The following UTP4 variants were observed in gnomAD, a reference collection of about 807,000 sequenced individuals.
UTP4 encodes the protein U3 small nucleolar RNA-associated protein 4 homolog.
In UTP4, 45 loss-of-function variants were observed where a neutral mutation model predicts 82.4. The observed-to-expected ratio is 0.55, with a 90% confidence interval of 0.43 to 0.70. UTP4 has a LOEUF of 0.70. UTP4 is among the 30% of genes least tolerant of loss of function. The probability of loss-of-function intolerance (pLI) is 0.00; values close to 1 mark genes in which losing one functional copy is unlikely to be tolerated. For synonymous variants in UTP4, 348 were observed against 300.3 expected, an observed-to-expected ratio of 1.16 and a Z score of -1.64; for missense variants, 819 against 858.3, an observed-to-expected ratio of 0.95 and a Z score of 0.57.
At chr16:69,160,531 G>A in intron 13 of UTP4, 69 bp downstream of exon 13, 1 of 1,113,904 alleles carries the variant, frequency 9.0e-7, no homozygotes, top group East Asian at 2.3e-5. Context: ...GCAGTTACAA[G>A]ATTCAAGGCA....
chr16:69,133,786 G>A lies in UTP4; in HGVS notation c.159+168G>A, dbSNP rs555568484. On this transcript the variant is annotated intron_variant, in intron 2 of 16. Transcript: ENST00000314423. ...TCTCCTAACTGATAAGAGAAGCTCA[G>A]TTTCAATCTGTGTAATGTTGATTAG... Among the ~76,000 whole-genome samples, 3 of 152,308 alleles carry A rather than the reference G, an allele frequency of 2.0e-5. No homozygotes were observed. The East Asian group carries it at 5.8e-4, about 29-fold the overall frequency.
chr16:69,149,382 A>G (rs898039792), intron 6 of UTP4, among the ~76,000 whole-genome samples: 5 of 151,910 alleles, frequency 3.3e-5, no homozygotes, highest in African/African-American at 1.2e-4. Context: ...CTCTGTCTCA[A>G]AAAAAACAAA....
intron 12 of UTP4, 35 bp downstream of exon 12, chr16:69,157,275 T>C (rs201945189): frequency 6.2e-7 from 1 of 1,610,570 alleles, no homozygotes; most frequent in Non-Finnish European, 8.5e-7. Context: ...GGGAGACTTG[T>C]CGTGTCTAAG....
rs138151655 is a variant in UTP4, at chr16:69,153,595, C to T, written c.1014C>T (p.Ile338=). The part of the protein sequence containing the change: ...RKITFPHRCL[I]SCSKKRQLLL... ...ATTCTTGGATATAGCGATGTCTCAT[C>T]TCCTGTTCTAAAAAGAGGCAGCTTC... is the stretch of plus-strand genomic sequence containing the variant. Residue 338 remains isoleucine (I), a synonymous_variant, in exon 9 of 17, where the codon ATC becomes ATT. Transcript: ENST00000314423. The T allele has an allele frequency of 8.9e-4, 1,430 of 1,612,684 alleles. 11 individuals are homozygous for T. The African/African-American group carries it at 0.018, about 20-fold the overall frequency.
chr16:69,137,007 G>C, intron 3 of UTP4, 120 bp downstream of exon 3: 2 of 843,358 alleles, frequency 2.4e-6, no homozygotes, highest in South Asian at 2.7e-5. Flanking sequence ...CCAACTATAA[G>C]ATTGGAATTG....
chr16:69,150,656 C>T lies in UTP4; in HGVS notation c.858C>T (p.His286=). The T allele has an allele frequency of 6.2e-7, 1 of 1,614,252 alleles. No homozygotes were observed. The highest frequency in any genetic ancestry group is 8.5e-7 in the Non-Finnish European group (1 of 1,180,048). The part of the protein sequence containing the change: ...QWVRTKPFQH[H]THDVRTVAHS... ...TGCGGACAAAACCGTTCCAGCATCACACTCATGACGTGCGCACTGTGGCCC... is the reference window on the plus strand; with the variant it reads ...TGCGGACAAAACCGTTCCAGCATCATACTCATGACGTGCGCACTGTGGCCC... Residue 286 remains histidine, a synonymous_variant, in exon 7 of 17, where the codon CAC becomes CAT. Transcript: ENST00000314423.
chr16:69,137,572 A>G (rs548282635), intron 3 of UTP4, among the ~76,000 whole-genome samples: 19 of 152,328 alleles, frequency 1.2e-4, no homozygotes, highest in African/African-American at 1.7e-4. Flanking sequence ...AGAACTCTTA[A>G]TATCAGTCTG....
At chr16:69,143,646 G>A (rs753701088) in intron 6 of UTP4, among the ~76,000 whole-genome samples, 1 of 152,214 alleles carries the variant, frequency 6.6e-6, no homozygotes, top group Admixed American at 6.5e-5. Flanking sequence ...AGTTCGTCTT[G>A]TTTGATTGTA....
At chr16:69,165,209 G>T in intron 14 of UTP4, 132 bp from the exon 15 acceptor site, 4 of 725,608 alleles carry the variant, frequency 5.5e-6, no homozygotes, top group Admixed American at 2.6e-5. Flanking sequence ...AAAAAAAAAA[G>T]TGTTGGGAGA....
Position 69,136,718 on chromosome 16 carries a change from G to T in UTP4, c.182G>T (p.Arg61Leu). 1 of 1,613,980 alleles carries T rather than the reference G, an allele frequency of 6.2e-7. No individual in the cohort carries two copies. Among genetic ancestry groups the T allele is most frequent in the African/African-American group, 1.3e-5 (1 of 75,018 alleles). ...QEKFFPGHESRATEALCWAEG... is the reference protein window; with the variant it reads ...QEKFFPGHESLATEALCWAEG... ...CAGTTTTTCCCAGGTCATGAGTCTCGGGCTACAGAAGCTTTGTGCTGGGCA... is the reference window on the plus strand; with the variant it reads ...CAGTTTTTCCCAGGTCATGAGTCTCTGGCTACAGAAGCTTTGTGCTGGGCA... Residue 61 changes from arginine (R) to leucine (L), a missense_variant, in exon 3 of 17, where the codon CGG becomes CTG. Arg to Leu is a moderately radical substitution (Grantham distance 102, BLOSUM62 -2). Transcript: ENST00000314423.
At chr16:69,156,122 C>T in intron 11 of UTP4, 129 bp downstream of exon 11, 2 of 879,062 alleles carry the variant, frequency 2.3e-6, no homozygotes, top group Non-Finnish European at 1.8e-6. Context: ...TTGGAGAAGG[C>T]TGTTATGAAA....
intron 8 of UTP4, among the ~76,000 whole-genome samples, chr16:69,151,951 T>C (rs1002326076): frequency 2.0e-5 from 3 of 151,592 alleles, no homozygotes; most frequent in Admixed American, 6.6e-5. Flanking sequence ...GCCCCATTCA[T>C]TCAAGCAGTA....
intron 6 of UTP4, among the ~76,000 whole-genome samples, chr16:69,149,473 C>T (rs1276958750): frequency 1.3e-5 from 2 of 151,994 alleles, no homozygotes; most frequent in East Asian, 3.9e-4. Context: ...TCTCTTGAAC[C>T]CGGGACGGCA....
At chr16:69,135,365 T>C (rs916085416) in intron 2 of UTP4, among the ~76,000 whole-genome samples, 3 of 152,122 alleles carry the variant, frequency 2.0e-5, no homozygotes, top group African/African-American at 7.2e-5. Flanking sequence ...TCCTACTAGA[T>C]ACGATTGCTT....
At chr16:69,162,458 T>G (rs1963588096) in intron 13 of UTP4, among the ~76,000 whole-genome samples, 1 of 149,674 alleles carries the variant, frequency 6.7e-6, no homozygotes, top group South Asian at 2.1e-4. Context: ...ACGCCTATAA[T>G]CCCAACACTT....
chr16:69,164,667 CATTT>C (rs1963657022), intron 14 of UTP4, among the ~76,000 whole-genome samples: 1 of 147,562 alleles, frequency 6.8e-6, no homozygotes, highest in Non-Finnish European at 1.5e-5. Context: ...TGCAAAAAGA[CATTT>C]ATACAGAGAC....
intron 5 of UTP4, 36 bp from the exon 6 acceptor site, chr16:69,143,142 A>C (rs372034609): frequency 1.2e-6 from 2 of 1,601,106 alleles, no homozygotes; most frequent in African/African-American, 1.3e-5. Flanking sequence ...CAGAGAAATA[A>C]GTACCATTTG....
chr16:69,161,170 C>G (rs1235452650), intron 13 of UTP4, among the ~76,000 whole-genome samples: 1 of 152,102 alleles, frequency 6.6e-6, no homozygotes, highest in Non-Finnish European at 1.5e-5. Context: ...TCAAGGTAAA[C>G]ATAATCAAAA....
intron 7 of UTP4, 40 bp from the exon 8 acceptor site, chr16:69,150,773 T>A (rs74886142): frequency 6.2e-7 from 1 of 1,613,396 alleles, no homozygotes; most frequent in Non-Finnish European, 8.5e-7. Context: ...CTCGTGAGGA[T>A]GACTTCTAAT....
Sources: gnomAD v4.1 joint callset for allele counts (sites outside exome capture counted in the v4.1 genomes callset) on GRCh38, gnomAD v4.1.1 for gene constraint, MANE v1.5 for transcripts, NCBI Gene and HGNC (gene_info 2026-07-23, HGNC 2026-07-21) for gene names.